The following ANKDD1A variants were observed in gnomAD, a reference collection of about 807,000 sequenced individuals.
The protein encoded by ANKDD1A is ankyrin repeat and death domain-containing protein 1A.
A neutral mutation model predicts 63.5 loss-of-function variants in ANKDD1A; 59 were observed. The ratio of observed to expected loss-of-function variants is 0.93; its 90% CI spans 0.75 to 1.15. The LOEUF is 1.15. ANKDD1A is among the 50% of genes most tolerant of loss of function. The probability of loss-of-function intolerance (pLI) is 0.00; values close to 1 mark genes in which losing one functional copy is unlikely to be tolerated. For missense variants in ANKDD1A, 632 were observed against 656.4 expected, an observed-to-expected ratio of 0.96 and a Z score of 0.41; for synonymous variants, 266 against 263.9, an observed-to-expected ratio of 1.01 and a Z score of -0.08.
rs187176388 is a variant in ANKDD1A at position 64,951,663 on chromosome 15, T to C, written c.1483+1691T>C. ...TTCTATCTTCTTTCCTTCTATCTTCTTTTTCTTTCTTTCCTTCTTTCTTCT... is the reference window on the plus strand; with the variant it reads ...TTCTATCTTCTTTCCTTCTATCTTCCTTTTCTTTCTTTCCTTCTTTCTTCT... On this transcript the variant is annotated intron_variant, in intron 14 of 14. Coordinates refer to ENST00000319580, the MANE Select transcript of ANKDD1A (RefSeq NM_182703.6). Among the ~76,000 whole-genome samples, 975 of 112,254 alleles carry C rather than the reference T, an allele frequency of 8.7e-3. 46 individuals carry two copies. In the South Asian group the frequency reaches 0.15, roughly 17 times the overall value. 73.6% of individuals were successfully genotyped at this position (112,254 alleles called of 152,430 possible). A position where few individuals can be genotyped will look rare whatever the true frequency, so the allele number is the denominator to read the frequency against.
chr15:64,956,233 TTTTTTTTTTC>T (rs1386706996), intron 14 of ANKDD1A, among the ~76,000 whole-genome samples: 3 of 88,820 alleles, frequency 3.4e-5, no homozygotes, highest in Admixed American at 1.3e-4. Flanking sequence ...TTTGGATTCC[TTTTTTTTTTC>T]TTTTTTTTTG....
intron 13 of ANKDD1A, among the ~76,000 whole-genome samples, chr15:64,947,853 A>G (rs969132542): frequency 6.6e-6 from 1 of 152,256 alleles, no homozygotes; most frequent in African/African-American, 2.4e-5. Context: ...TACCTAAACT[A>G]AAACCATTCT....
At chr15:64,953,586 T>G (rs1195106599) in intron 14 of ANKDD1A, among the ~76,000 whole-genome samples, 1 of 9,722 alleles carries the variant, frequency 1.0e-4, no homozygotes, top group African/African-American at 1.8e-4. Flanking sequence ...GTTCTTCTTC[T>G]TCCTTCTCCT....
chr15:64,944,775 C>CAATGAGGAAAGA, intron 12 of ANKDD1A, 28 bp downstream of exon 12: 1 of 1,607,866 alleles, frequency 6.2e-7, no homozygotes, highest in Non-Finnish European at 8.5e-7. Flanking sequence ...TTGATCTTTC[C>CAATGAGGAAAGA]TCATTGGAAA....
chr15:64,953,506 CTCTTCCT>C (rs2085342847), intron 14 of ANKDD1A, among the ~76,000 whole-genome samples: 2 of 49,208 alleles, frequency 4.1e-5, no homozygotes, highest in African/African-American at 6.7e-5. Flanking sequence ...GTTCTTCCTC[CTCTTCCT>C]TCTCCTTCTT....
At chr15:64,933,436 A>G (rs2085105067) in intron 8 of ANKDD1A, among the ~76,000 whole-genome samples, 1 of 152,190 alleles carries the variant, frequency 6.6e-6, no homozygotes, top group South Asian at 2.1e-4. Flanking sequence ...TCAAGCCTCC[A>G]TTCTAGCCCA....
intron 4 of ANKDD1A, among the ~76,000 whole-genome samples, chr15:64,923,065 A>G (rs2085019214): frequency 6.6e-6 from 1 of 152,222 alleles, no homozygotes; most frequent in Non-Finnish European, 1.5e-5. Flanking sequence ...CTTAATTTCA[A>G]TATAATTGGT....
chr15:64,952,189 TTTTCTTCTTCTTCTTTCCTC>T (rs1458954943), intron 14 of ANKDD1A, among the ~76,000 whole-genome samples: 111 of 150,746 alleles, frequency 7.4e-4, no homozygotes, highest in African/African-American at 2.5e-3. Context: ...TCCTTCTACT[TTTTCTTCTTCTTCTTTCCTC>T]TTTCTTCTTC....
chr15:64,952,977 T>TTTC (rs1491151946), intron 14 of ANKDD1A, among the ~76,000 whole-genome samples: 1 of 113,320 alleles, frequency 8.8e-6, no homozygotes, highest in Non-Finnish European at 1.9e-5. Context: ...CTTTTCTTCT[T>TTTC]GTCTCTCCTT....
chr15:64,951,277 T>C (rs1164510880), intron 14 of ANKDD1A: 3 of 972,018 alleles, frequency 3.1e-6, no homozygotes, highest in Admixed American at 1.4e-4. Flanking sequence ...TTATTTCTTC[T>C]TCTTTTTCTT....
At chr15:64,947,657 T>C in intron 13 of ANKDD1A, 64 bp downstream of exon 13, 2 of 1,548,474 alleles carry the variant, frequency 1.3e-6, no homozygotes, top group Non-Finnish European at 1.7e-6. Flanking sequence ...ACCTGAAATG[T>C]GTTCAGTTTT....
At chr15:64,947,976 TAAAGGA>T (rs754157615) in intron 13 of ANKDD1A, among the ~76,000 whole-genome samples, 2 of 152,116 alleles carry the variant, frequency 1.3e-5, no homozygotes, top group African/African-American at 2.4e-5. Context: ...GTAAATATTG[TAAAGGA>T]AGAGAGAGAC....
intron 5 of ANKDD1A, among the ~76,000 whole-genome samples, chr15:64,926,591 G>T (rs1395871549): frequency 1.3e-5 from 2 of 152,118 alleles, no homozygotes; most frequent in African/African-American, 4.8e-5. Context: ...AGGAGGGAAG[G>T]TCTGATGGGT....
intron 13 of ANKDD1A, 96 bp from the exon 14 acceptor site, chr15:64,949,745 T>A: frequency 6.5e-7 from 1 of 1,530,596 alleles, no homozygotes; most frequent in Non-Finnish European, 8.8e-7. Flanking sequence ...CCTGGGCATG[T>A]TCAGGAGGCG....
chr15:64,928,186 A>G (rs779475161), intron 6 of ANKDD1A, among the ~76,000 whole-genome samples: 4 of 152,264 alleles, frequency 2.6e-5, no homozygotes, highest in Non-Finnish European at 4.4e-5. Flanking sequence ...ATCCTAATGC[A>G]TAAAGCTGTC....
At chr15:64,952,206 CCTCTTTCTTCTTCTTCCTTCTCCTCCT>C (rs1566916445) in intron 14 of ANKDD1A, among the ~76,000 whole-genome samples, 20 of 147,092 alleles carry the variant, frequency 1.4e-4, no homozygotes, top group African/African-American at 4.8e-4. Flanking sequence ...CTTCTTCTTT[CCTCTTTCTTCTTCTTCCTTCTCCTCCT>C]TTCTTCTTCT....
intron 14 of ANKDD1A, among the ~76,000 whole-genome samples, chr15:64,951,987 CTTCTTTCTT>C (rs1056777823): frequency 3.5e-5 from 5 of 140,934 alleles, no homozygotes; most frequent in African/African-American, 1.1e-4. Flanking sequence ...CCTTCTTATT[CTTCTTTCTT>C]TTCTTTCTTC....
intron 3 of ANKDD1A, among the ~76,000 whole-genome samples, chr15:64,917,795 T>C (rs569006877): frequency 6.6e-6 from 1 of 152,242 alleles, no homozygotes; most frequent in South Asian, 2.1e-4. Flanking sequence ...GAACAGATAA[T>C]TGGGTGGATT....
intron 6 of ANKDD1A, among the ~76,000 whole-genome samples, chr15:64,930,303 C>T (rs1391568998): frequency 2.0e-5 from 3 of 151,570 alleles, no homozygotes; most frequent in Non-Finnish European, 4.4e-5. Context: ...AGCACTCAGC[C>T]AGTGACAGAG....
Sources: allele counts gnomAD v4.1 joint callset (sites outside exome capture counted in the v4.1 genomes callset), GRCh38; gene constraint gnomAD v4.1.1; transcripts MANE v1.5; gene names NCBI Gene and HGNC (gene_info 2026-07-23, HGNC 2026-07-21).